EBF1: variants seen among roughly 807,000 people sequenced by gnomAD.
EBF1 encodes the protein EBF transcription factor 1.
A neutral mutation model predicts 68.4 loss-of-function variants in EBF1; 10 were observed. The ratio of observed to expected loss-of-function variants is 0.15; its 90% CI spans 0.09 to 0.25. The LOEUF (loss-of-function observed/expected upper bound fraction) is 0.25. Ranked by LOEUF, EBF1 falls within the 10% of genes least tolerant of loss-of-function variation. The pLI, the probability that EBF1 is intolerant of heterozygous loss-of-function variation, is 1.00. For synonymous variants in EBF1, 298 were observed against 299.8 expected (o/e 0.99, Z 0.06); for missense variants, 509 against 794.4 (o/e 0.64, Z 4.32).
chr5:159,023,836 G>A (rs1767194886), intron 6 of EBF1, among the ~76,000 whole-genome samples: 2 of 152,142 alleles, frequency 1.3e-5, no homozygotes, highest in South Asian at 4.1e-4. Context: ...ACCTCATTGT[G>A]TAAATAAAAC....
At chr5:158,848,553 G>A (rs1791987255) in intron 6 of EBF1, among the ~76,000 whole-genome samples, 1 of 152,134 alleles carries the variant, frequency 6.6e-6, no homozygotes, top group Non-Finnish European at 1.5e-5. Context: ...GGAGAACAGT[G>A]GCCAAAACAA....
At chr5:158,823,044 A>G in intron 8 of EBF1, 132 bp downstream of exon 8, 2 of 1,248,778 alleles carry the variant, frequency 1.6e-6, no homozygotes, top group Non-Finnish European at 2.3e-6. Flanking sequence ...AAAAAACCCT[A>G]GAGGACCAAT....
chr5:158,799,294 A>T (rs1426314670), intron 8 of EBF1, among the ~76,000 whole-genome samples: 1 of 152,098 alleles, frequency 6.6e-6, no homozygotes, highest in Non-Finnish European at 1.5e-5. Context: ...GCCAGGTGCA[A>T]GCCTGTCATA....
At chr5:158,736,505 A>C (rs987523048) in intron 10 of EBF1, among the ~76,000 whole-genome samples, 12 of 152,232 alleles carry the variant, frequency 7.9e-5, no homozygotes, top group Non-Finnish European at 1.5e-4. Context: ...AGAAATGCAG[A>C]TATTAGGAAG....
chr5:158,930,287 G>T (rs749544872), intron 6 of EBF1, among the ~76,000 whole-genome samples: 26 of 147,482 alleles, frequency 1.8e-4, no homozygotes, highest in Non-Finnish European at 3.1e-4. Flanking sequence ...TTTTTTTTTG[G>T]TTGTTAAGTC....
chr5:159,074,710 A>C (rs760959475), intron 5 of EBF1, among the ~76,000 whole-genome samples: 1 of 152,166 alleles, frequency 6.6e-6, no homozygotes, highest in Non-Finnish European at 1.5e-5. Flanking sequence ...CTCCACTCTT[A>C]AGTGTCTTCT....
At chr5:158,702,058 G>C (rs148200733) in intron 15 of EBF1, among the ~76,000 whole-genome samples, 1 of 152,134 alleles carries the variant, frequency 6.6e-6, no homozygotes, top group Non-Finnish European at 1.5e-5. Context: ...AAGCATTACT[G>C]TTCTCTAAAT....
intron 6 of EBF1, among the ~76,000 whole-genome samples, chr5:158,852,898 C>G (rs1184777758): frequency 6.6e-6 from 1 of 152,120 alleles, no homozygotes; most frequent in Non-Finnish European, 1.5e-5. Flanking sequence ...ACCTGAAACA[C>G]TGAAAACATA....
At chr5:158,789,422 T>C (rs1470750233) in intron 9 of EBF1, among the ~76,000 whole-genome samples, 1 of 152,192 alleles carries the variant, frequency 6.6e-6, no homozygotes, top group Non-Finnish European at 1.5e-5. Flanking sequence ...TGGAGCTGTA[T>C]CTCACATAAA....
At chr5:159,009,033 C>T (rs968912324) in intron 6 of EBF1, among the ~76,000 whole-genome samples, 1 of 152,124 alleles carries the variant, frequency 6.6e-6, no homozygotes, top group African/African-American at 2.4e-5. Flanking sequence ...GGAAAGCTCT[C>T]CCAGCCTCAT....
intron 6 of EBF1, among the ~76,000 whole-genome samples, chr5:158,947,401 T>A (rs1348805800): frequency 1.1e-4 from 16 of 152,184 alleles, no homozygotes; most frequent in Admixed American, 1.0e-3. Context: ...GATAGCACCA[T>A]CCCTCACAGC....
intron 15 of EBF1, among the ~76,000 whole-genome samples, chr5:158,705,965 T>C (rs555792257): frequency 1.2e-4 from 18 of 152,374 alleles, no homozygotes; most frequent in African/African-American, 3.4e-4. Context: ...TCAAGAATGG[T>C]AAATTTCTGC....
chr5:159,063,336 T>A (rs1776189797), intron 6 of EBF1, among the ~76,000 whole-genome samples: 1 of 152,190 alleles, frequency 6.6e-6, no homozygotes, highest in African/African-American at 2.4e-5. Context: ...AAGAGTGCAA[T>A]AAAGCCGTGG....
intron 2 of EBF1, 126 bp from the exon 3 acceptor site, chr5:159,096,532 T>A: frequency 2.9e-6 from 3 of 1,030,924 alleles, no homozygotes; most frequent in Non-Finnish European, 2.9e-6. Flanking sequence ...GCAGCCACGG[T>A]AGCAGCAGAA....
chr5:158,982,297 T>C (rs1758057703), intron 6 of EBF1, among the ~76,000 whole-genome samples: 1 of 152,206 alleles, frequency 6.6e-6, no homozygotes, highest in African/African-American at 2.4e-5. Flanking sequence ...CTAATAGTAT[T>C]ATTTGCACAG....
chr5:158,969,922 A>AGAGAG (rs34413450), intron 6 of EBF1, among the ~76,000 whole-genome samples: 1 of 125,102 alleles, frequency 8.0e-6, no homozygotes, highest in African/African-American at 2.8e-5. Context: ...GAAAGAAAAA[A>AGAGAG]AAAAAAAAGG....
rs147456126 is a variant in EBF1 at position 158,884,512 on chromosome 5, T to C, written c.555-44402A>G. 4.1e-3 allele frequency among the ~76,000 whole-genome samples: 629 copies of C among 151,988 alleles called. 1 individual carries two copies. The highest frequency in any genetic ancestry group is 0.014 in the African/African-American group (578 of 41,438). ...ATGCTCACTGCTGAAGACATAAAAA[T>C]GAAAAAAGGTAGGCAAGGTAGCCCT... On this transcript the variant is annotated intron_variant, in intron 6 of 15. Transcript: ENST00000313708.
intron 6 of EBF1, among the ~76,000 whole-genome samples, chr5:158,848,688 G>A (rs943961183): frequency 4.6e-5 from 7 of 152,220 alleles, no homozygotes; most frequent in African/African-American, 1.7e-4. Context: ...CAGACAGAAA[G>A]CCAGGGGTTG....
chr5:158,924,779 G>C (rs1172084916), intron 6 of EBF1, among the ~76,000 whole-genome samples: 1 of 149,950 alleles, frequency 6.7e-6, no homozygotes, highest in Non-Finnish European at 1.5e-5. Flanking sequence ...CGTGAACCCA[G>C]GAGGCGCAGC....
Sources: gnomAD v4.1 joint callset for allele counts (sites outside exome capture counted in the v4.1 genomes callset) on GRCh38, gnomAD v4.1.1 for gene constraint, MANE v1.5 for transcripts, NCBI Gene and HGNC (gene_info 2026-07-23, HGNC 2026-07-21) for gene names.